KDM4C: variants seen among roughly 807,000 people sequenced by gnomAD.
KDM4C encodes lysine demethylase 4C.
In KDM4C, 81 loss-of-function variants were observed where a neutral mutation model predicts 129.3. The observed-to-expected ratio is 0.63, with a 90% CI of 0.52 to 0.75. The LOEUF is 0.75. KDM4C is among the 30% of genes least tolerant of loss of function. KDM4C has a pLI of 0.00. For missense variants in KDM4C, 1,457 were observed against 1,304.0 expected (o/e 1.12, Z -1.81); for synonymous variants, 573 against 456.1 (o/e 1.26, Z -3.26).
chr9:6,781,454 G>A (rs1824323350), intron 1 of KDM4C, among the ~76,000 whole-genome samples: 1 of 151,896 alleles, frequency 6.6e-6, no homozygotes. Context: ...GTTGCCAACA[G>A]CACTGTAACT....
intron 8 of KDM4C, among the ~76,000 whole-genome samples, chr9:6,950,942 G>C (rs557462949): frequency 6.6e-6 from 1 of 152,104 alleles, no homozygotes; most frequent in Non-Finnish European, 1.5e-5. Flanking sequence ...TTGAATTTTG[G>C]GGGGAGGAGG....
At chr9:6,869,602 A>G (rs1030633681) in intron 5 of KDM4C, among the ~76,000 whole-genome samples, 2 of 152,244 alleles carry the variant, frequency 1.3e-5, no homozygotes, top group African/African-American at 2.4e-5. Flanking sequence ...TCCTAAGGGC[A>G]GTGCTGGAGC....
At chr9:6,928,775 T>G (rs978732957) in intron 8 of KDM4C, among the ~76,000 whole-genome samples, 8 of 152,324 alleles carry the variant, frequency 5.3e-5, no homozygotes, top group African/African-American at 1.4e-4. Context: ...CCTTGGAGGT[T>G]GATGGCTACC....
At chr9:7,143,589 C>G (rs1170851594) in intron 19 of KDM4C, among the ~76,000 whole-genome samples, 1 of 152,176 alleles carries the variant, frequency 6.6e-6, no homozygotes, top group Admixed American at 6.5e-5. Flanking sequence ...TTGGATAAAT[C>G]TAACAATGGT....
chr9:6,901,045 A>G (rs1297730448), intron 8 of KDM4C, among the ~76,000 whole-genome samples: 2 of 152,010 alleles, frequency 1.3e-5, no homozygotes, highest in Non-Finnish European at 2.9e-5. Flanking sequence ...ACATAGGAAA[A>G]ATTTTTACTA....
chr9:7,033,310 T>C (rs1422237983), intron 15 of KDM4C, among the ~76,000 whole-genome samples: 1 of 152,158 alleles, frequency 6.6e-6, no homozygotes, highest in Non-Finnish European at 1.5e-5. Flanking sequence ...GGTAGCCAAG[T>C]GGTTGCTTTT....
intron 6 of KDM4C, among the ~76,000 whole-genome samples, chr9:6,884,103 C>T (rs1445727844): frequency 6.6e-6 from 1 of 152,136 alleles, no homozygotes; most frequent in African/African-American, 2.4e-5. Flanking sequence ...ATTCCAGGAT[C>T]AGTATGAAGT....
chr9:6,937,057 T>C (rs1001674722), intron 8 of KDM4C, among the ~76,000 whole-genome samples: 37 of 152,200 alleles, frequency 2.4e-4, no homozygotes, highest in African/African-American at 8.7e-4. Flanking sequence ...GCCACTTTTA[T>C]CAGAGAAATG....
chr9:7,076,603 A>G (rs1322619549), intron 17 of KDM4C: 3 of 1,440,362 alleles, frequency 2.1e-6, no homozygotes, highest in East Asian at 2.5e-5. Flanking sequence ...GGATGGGGAT[A>G]CAATAGCCTG....
intron 4 of KDM4C, among the ~76,000 whole-genome samples, chr9:6,837,695 T>C (rs999149867): frequency 6.6e-6 from 1 of 152,242 alleles, no homozygotes; most frequent in African/African-American, 2.4e-5. Context: ...GCTTTTTCTT[T>C]ATTTGGAATT....
At chr9:6,880,915 A>G (rs540410692) in intron 6 of KDM4C, among the ~76,000 whole-genome samples, 5 of 152,268 alleles carry the variant, frequency 3.3e-5, no homozygotes, top group African/African-American at 1.2e-4. Flanking sequence ...CAGAAAGAAG[A>G]TGTAGGCTGG....
At chr9:7,083,714 T>TGTGTGTGTGC (rs1834805236) in intron 17 of KDM4C, among the ~76,000 whole-genome samples, 1 of 137,526 alleles carries the variant, frequency 7.3e-6, no homozygotes, top group Admixed American at 6.9e-5. Flanking sequence ...ATGACTGATG[T>TGTGTGTGTGC]GTGTGTGTGT....
intron 4 of KDM4C, among the ~76,000 whole-genome samples, chr9:6,832,840 G>T (rs945291364): frequency 4.7e-5 from 7 of 150,136 alleles, no homozygotes; most frequent in African/African-American, 1.7e-4. Flanking sequence ...GGATTCTCCT[G>T]CCTCAGACTC....
intron 7 of KDM4C, among the ~76,000 whole-genome samples, chr9:6,889,713 A>T (rs867117199): frequency 6.6e-6 from 1 of 152,256 alleles, no homozygotes; most frequent in African/African-American, 2.4e-5. Context: ...AAGGAATGCA[A>T]CAGTATCCCC....
At chr9:6,978,333 A>G (rs1226281222) in intron 8 of KDM4C, among the ~76,000 whole-genome samples, 1 of 148,512 alleles carries the variant, frequency 6.7e-6, no homozygotes, top group Non-Finnish European at 1.5e-5. Flanking sequence ...AATTCCAAAT[A>G]AACTTTAAAG....
intron 17 of KDM4C, among the ~76,000 whole-genome samples, chr9:7,050,447 A>G (rs10976009): frequency 4.4e-4 from 59 of 134,074 alleles, no homozygotes; most frequent in African/African-American, 5.9e-4. Flanking sequence ...ATTACCAAAA[A>G]AAAAAAAAGA....
intron 1 of KDM4C, chr9:6,726,817 GC>G (rs1270226493): frequency 6.6e-6 from 1 of 152,108 alleles, no homozygotes; most frequent in Non-Finnish European, 1.5e-5. Context: ...CTCACTGCAA[GC>G]TTTGCCTCCC....
At chr9:7,130,672 G>A (rs962087029) in intron 19 of KDM4C, among the ~76,000 whole-genome samples, 34 of 152,356 alleles carry the variant, frequency 2.2e-4, no homozygotes, top group Middle Eastern at 3.4e-3. Context: ...TTGCCCTGGA[G>A]GGGGGCAGGT....
chr9:7,107,685 G>A (rs1043471459), intron 18 of KDM4C, among the ~76,000 whole-genome samples: 1 of 152,130 alleles, frequency 6.6e-6, no homozygotes, highest in Non-Finnish European at 1.5e-5. Flanking sequence ...TGTATTCATA[G>A]CTTTAGAAAC....
Sources: allele counts gnomAD v4.1 joint callset (sites outside exome capture counted in the v4.1 genomes callset), GRCh38; gene constraint gnomAD v4.1.1; transcripts MANE v1.5; gene names NCBI Gene and HGNC (gene_info 2026-07-23, HGNC 2026-07-21).